DENND4B: variants seen among roughly 807,000 people sequenced by gnomAD.
DENND4B encodes DENN domain-containing protein 4B.
A neutral mutation model predicts 161.0 loss-of-function variants in DENND4B; 67 were observed. The ratio of observed to expected loss-of-function variants is 0.42; its 90% CI spans 0.34 to 0.51. DENND4B has a LOEUF of 0.51. Among genes scored for constraint, DENND4B ranks in the 20% least tolerant of loss-of-function variants. DENND4B has a pLI of 0.08. For missense variants in DENND4B, 1,481 were observed against 1,968.0 expected, an observed-to-expected ratio of 0.75 and a Z score of 4.68; for synonymous variants, 753 against 813.8, an observed-to-expected ratio of 0.93 and a Z score of 1.27.
chr1:153,945,220 G>A lies in DENND4B; in HGVS notation c.-23-823C>T, dbSNP rs1041048367. 1.0e-5 allele frequency: 13 copies of A among 1,270,242 alleles called. No homozygotes were observed. The African/African-American group carries it at 1.8e-4, about 18-fold the overall frequency. The allele number at this position is 1,270,242 out of a possible 1,614,324, so 78.7% of individuals were successfully genotyped here. On this transcript the variant is annotated intron_variant, in intron 1 of 27. Coordinates refer to ENST00000361217, the MANE Select transcript of DENND4B (RefSeq NM_014856.3). Reference sequence around the variant, plus strand: ...TGCAGAAGCTGGGAAAAAGCCTGGTGGGTAGCTCGCAGCAGGGGCCCAGAA... The same window carrying A: ...TGCAGAAGCTGGGAAAAAGCCTGGTAGGTAGCTCGCAGCAGGGGCCCAGAA...
Position 153,936,178 on chromosome 1 carries a change from CG to C in DENND4B, c.2449del (p.Arg817GlyfsTer3). 2 of 1,605,712 alleles carry C rather than the reference CG, an allele frequency of 1.2e-6. No homozygotes were observed. The highest frequency in any genetic ancestry group is 1.7e-6 in the Non-Finnish European group (2 of 1,176,196). ...GTGTGAGCAGAGCTGCATCAGTACC[CG>C]GTAACACACCTGGGCCAGGAGAGGC... The part of the protein sequence containing the change: ...KVVLPDEVCY[R>X]VLMQLCSHYG... On this transcript the variant is annotated frameshift_variant, in exon 17 of 28. Coordinates refer to ENST00000361217, the MANE Select transcript of DENND4B (RefSeq NM_014856.3). LOFTEE classifies it high-confidence loss of function. The surrounding 1 kb of genome is among the most constrained non-coding windows in gnomAD (Gnocchi z 4.1).
chr1:153,937,552 G>T lies in DENND4B; in HGVS notation c.2168C>A (p.Ala723Asp). ...ACGGGAAGGGCCTGGCACAGGCAGG[G>T]CCCCAGGTTGCTCTTGAAGAGACTC... ...LFESLQEQPG[A>D]LPVPGPSRSA... The change falls in exon 15 of 28, where the codon GCC (alanine) becomes GAC (aspartate). Residue 723 changes from alanine (A) to aspartate (D), a missense_variant. Physicochemically the swap from Ala to Asp is moderately radical, Grantham distance 126. Around this residue, in one of 3 missense-constraint regions of DENND4B, gnomAD observed 806 missense variants for 1,134.4 expected, o/e 0.71. Transcript: ENST00000361217. The surrounding 1 kb of genome is among the most constrained non-coding windows in gnomAD (Gnocchi z 4.7). 2 of 1,611,984 alleles carry T rather than the reference G, an allele frequency of 1.2e-6. No individual in the cohort carries two copies. The highest frequency in any genetic ancestry group is 1.1e-5 in the South Asian group (1 of 90,892).
chr1:153,944,739 TTC>T lies in DENND4B; in HGVS notation c.-23-344_-23-343del, dbSNP rs1169285137. On this transcript the variant is annotated intron_variant, in intron 1 of 27. Coordinates refer to ENST00000361217, the MANE Select transcript of DENND4B (RefSeq NM_014856.3). This position sits in a 1 kb window ranked among gnomAD's most constrained non-coding sequence, Gnocchi z 4.8. ...GATCACAATCTTTTTTGTAATAGCC[TTC>T]CATGACATCATTCATGCTGGCCATG... is the stretch of plus-strand genomic sequence containing the variant. Among the ~76,000 whole-genome samples the T allele has an allele frequency of 7.2e-5, 11 of 152,328 alleles. No homozygotes were observed. The highest frequency in any genetic ancestry group is 1.9e-4 in the East Asian group (1 of 5,192).
rs779392694 is a variant in DENND4B at position 153,936,796 on chromosome 1, TCTTA to T, written c.2233-52_2233-49del. ...CAGGGTGAGTACAATGCCAGGTCTT[TCTTA>T]CTTATCTATTTATTTATTTATTTAT... On this transcript the variant is annotated intron_variant, in intron 15 of 27. Coordinates refer to ENST00000361217, the MANE Select transcript of DENND4B (RefSeq NM_014856.3). The surrounding 1 kb of genome is among the most constrained non-coding windows in gnomAD (Gnocchi z 4.1). 7.8e-6 allele frequency: 11 copies of T among 1,417,810 alleles called. No individual in the cohort carries two copies. In the African/African-American group the frequency reaches 1.0e-4, roughly 13 times the overall value. The allele number at this position is 1,417,810 out of a possible 1,614,324, so 87.8% of individuals were successfully genotyped here.
chr1:153,936,735 G>T lies in DENND4B; in HGVS notation c.2246C>A (p.Ala749Glu). The T allele has an allele frequency of 6.3e-7, 1 of 1,591,526 alleles. No individual in the cohort carries two copies. The change falls in exon 16 of 28, where the codon GCA (alanine) becomes GAA (glutamate). Residue 749 changes from alanine to glutamate, a missense_variant. Transcript: ENST00000361217. The surrounding 1 kb of genome is among the most constrained non-coding windows in gnomAD (Gnocchi z 4.1). ...TGCTGACTTCTGTGCCATCCGCTGT[G>T]CAACTTTCATCTCCTAGGTAGGACA... ...PRRTKQEMKVAQRMAQKSAAV... is the reference protein window; with the variant it reads ...PRRTKQEMKVEQRMAQKSAAV...
intron 7 of DENND4B, 37 bp from the exon 8 acceptor site, chr1:153,941,326 T>G (rs756448391): frequency 5.0e-6 from 8 of 1,613,520 alleles, no homozygotes; most frequent in Middle Eastern, 1.6e-4. Context: ...AGGGTAATGA[T>G]GCCAACTCCC....
In DENND4B at chr1:153,939,028, C is replaced by G. The variant is rs769793698; in HGVS notation, c.1837G>C (p.Glu613Gln). ...FFLQGFLKSRERSSHKLYSQL... is the reference protein window; with the variant it reads ...FFLQGFLKSRQRSSHKLYSQL... ...GAGTAAAGTTTGTGGCTGGAGCGTT[C>G]CCGGGATTTGAGGAAGCCTGAGGGG... The change falls in exon 13 of 28, where the codon GAA (glutamate) becomes CAA (glutamine). Residue 613 changes from glutamate to glutamine, a missense_variant. Glu to Gln is a conservative substitution (Grantham distance 29, BLOSUM62 2). Around this residue, in one of 3 missense-constraint regions of DENND4B, gnomAD observed 806 missense variants for 1,134.4 expected, o/e 0.71. Transcript: ENST00000361217. 6.2e-7 allele frequency: 1 copy of G among 1,611,910 alleles called. No homozygotes were observed. The highest frequency in any genetic ancestry group is 8.5e-7 in the Non-Finnish European group (1 of 1,179,140).
rs752850099 is a variant in DENND4B at position 153,930,347 on chromosome 1, G to A, written c.4441C>T (p.Pro1481Ser). Residue 1481 changes from proline (P) to serine (S), a missense_variant, in exon 28 of 28, where the codon CCC becomes TCC. This residue lies in a region of DENND4B where 336 missense variants were observed against 503.3 expected (regional missense o/e 0.67). Coordinates refer to ENST00000361217, the MANE Select transcript of DENND4B (RefSeq NM_014856.3). This position sits in a 1 kb window ranked among gnomAD's most constrained non-coding sequence, Gnocchi z 4.7. Reference protein sequence around the residue: ...LRHRRAQMPTPKAIDCRKCFG... With the variant: ...LRHRRAQMPTSKAIDCRKCFG... The stretch of plus-strand genomic sequence containing the variant: ...CATTTTCGGCAGTCAATGGCCTTGG[G>A]AGTGGGCATCTGCGCCCGCCGGTGC... The A allele has an allele frequency of 3.1e-6, 5 of 1,614,008 alleles. No individual in the cohort carries two copies. The South Asian group carries it at 5.5e-5, about 18-fold the overall frequency.
Position 153,936,401 on chromosome 1 carries a change from A to C in DENND4B, c.2439+141T>G. 8.6e-7 allele frequency: 1 copy of C among 1,156,848 alleles called. No individual in the cohort carries two copies. The highest frequency in any genetic ancestry group is 1.2e-6 in the Non-Finnish European group (1 of 828,536). 71.7% of individuals were successfully genotyped at this position (1,156,848 alleles called of 1,614,324 possible). A position where few individuals can be genotyped will look rare whatever the true frequency, so the allele number is the denominator to read the frequency against. ...CCTGAACATGCTTATTCACTCGACG[A>C]ATGTTTATAGATAATCTGCCCAGCT... On this transcript the variant is annotated intron_variant, in intron 16 of 27. Transcript: ENST00000361217. This position sits in a 1 kb window ranked among gnomAD's most constrained non-coding sequence, Gnocchi z 4.1.
Position 153,932,745 on chromosome 1 carries a change from C to G in DENND4B, c.3656G>C (p.Gly1219Ala). Residue 1219 changes from glycine to alanine, a missense_variant, in exon 23 of 28, where the codon GGC (glycine) becomes GCC (alanine). By Grantham distance (60) the Gly-to-Ala change is moderately conservative. Transcript: ENST00000361217. The surrounding 1 kb of genome is among the most constrained non-coding windows in gnomAD (Gnocchi z 5.8). ...ACCAGGGACAGGAGCATCTTTGCTG[C>G]CACTGGCACCAGCAGATTTGGGGCT... ...VPSPKSAGASGSKDAPVPGGP... is the reference protein window; with the variant it reads ...VPSPKSAGASASKDAPVPGGP... The G allele has an allele frequency of 6.2e-7, 1 of 1,614,068 alleles. No individual in the cohort carries two copies. Among genetic ancestry groups the G allele is most frequent in the Non-Finnish European group, 8.5e-7 (1 of 1,179,902 alleles).
chr1:153,931,120 C>T (rs1678898094), intron 24 of DENND4B, 56 bp from the exon 25 acceptor site: 2 of 1,403,388 alleles, frequency 1.4e-6, no homozygotes, highest in Admixed American at 2.1e-5. Context: ...AGGCAGAGGA[C>T]AAGAAACGGA....
rs762792313 is a variant in DENND4B, at chr1:153,933,037, G to T, written c.3454-7C>A. 2 of 1,612,780 alleles carry T rather than the reference G, an allele frequency of 1.2e-6. No homozygotes were observed. Among genetic ancestry groups the T allele is most frequent in the Middle Eastern group, 1.7e-4 (1 of 6,056 alleles). On this transcript the variant is annotated splice_region_variant and splice_polypyrimidine_tract_variant and intron_variant, in intron 21 of 27. Transcript: ENST00000361217. The surrounding 1 kb of genome is among the most constrained non-coding windows in gnomAD (Gnocchi z 5.7). The stretch of plus-strand genomic sequence containing the variant: ...AGCAGCTGGACAGCAGAATCTGTGG[G>T]CAGGGAGAGTCGGGAAGTAGGTGCT...
rs2102055639 is a variant in DENND4B at position 153,940,298 on chromosome 1, G to C, written c.1503-42C>G. 1 of 1,573,402 alleles carries C rather than the reference G, an allele frequency of 6.4e-7. No homozygotes were observed. Among genetic ancestry groups the C allele is most frequent in the East Asian group, 2.2e-5 (1 of 44,470 alleles). ...AGGGGAAAGAGTGGCGAGGCTCTGG[G>C]ATAGGGTGACGGGGTTCCTTGCCAG... is the stretch of plus-strand genomic sequence containing the variant. On this transcript the variant is annotated intron_variant, in intron 10 of 27. Transcript: ENST00000361217. This position sits in a 1 kb window ranked among gnomAD's most constrained non-coding sequence, Gnocchi z 5.6.
In DENND4B at chr1:153,934,383, C is replaced by G. The variant is rs1679191974; in HGVS notation, c.2774-81G>C. 6.7e-7 allele frequency: 1 copy of G among 1,485,734 alleles called. No homozygotes were observed. Among genetic ancestry groups the G allele is most frequent in the Non-Finnish European group, 9.0e-7 (1 of 1,112,852 alleles). The allele number at this position is 1,485,734 out of a possible 1,614,324, so 92.0% of individuals were successfully genotyped here. A position where few individuals can be genotyped will look rare whatever the true frequency, so the allele number is the denominator to read the frequency against. On this transcript the variant is annotated intron_variant, in intron 18 of 27. Transcript: ENST00000361217. This position sits in a 1 kb window ranked among gnomAD's most constrained non-coding sequence, Gnocchi z 5.3. Reference sequence around the variant, plus strand: ...TCCAAAATAGAGCTCCTTAGATGGACCAGGGTTTGCAGGGTTCCTCCCAGG... The same window carrying G: ...TCCAAAATAGAGCTCCTTAGATGGAGCAGGGTTTGCAGGGTTCCTCCCAGG...
At position 153,936,030 on chromosome 1, in the gene DENND4B, C is replaced by A. The variant is rs574645818; in HGVS notation, c.2568+30G>T. On this transcript the variant is annotated intron_variant, in intron 17 of 27. Coordinates refer to ENST00000361217, the MANE Select transcript of DENND4B (RefSeq NM_014856.3). The surrounding 1 kb of genome is among the most constrained non-coding windows in gnomAD (Gnocchi z 4.1). ...CCCCTCACACACCCTGGCACAGCTG[C>A]CATCCCACCCCTCACCCCAAAGTAG... 59 of 1,611,100 alleles carry A rather than the reference C, an allele frequency of 3.7e-5. No homozygotes were observed. The African/African-American group carries it at 6.5e-4, about 18-fold the overall frequency.
rs778254667 is a variant in DENND4B, at chr1:153,930,655, G to A, written c.4280+37C>T. On this transcript the variant is annotated intron_variant, in intron 26 of 27. Transcript: ENST00000361217. The surrounding 1 kb of genome is among the most constrained non-coding windows in gnomAD (Gnocchi z 4.7). ...TGAGAGAAAAGGGGTGTGGAGCCCC[G>A]GACAGACCAGGGATCACCCAGATGG... The A allele has an allele frequency of 1.6e-4, 254 of 1,613,306 alleles. No individual in the cohort carries two copies. Among genetic ancestry groups the A allele is most frequent in the Non-Finnish European group, 2.0e-4 (240 of 1,179,602 alleles).
chr1:153,944,234 G>A lies in DENND4B; in HGVS notation c.141C>T (p.Ile47=), dbSNP rs777297735. The A allele has an allele frequency of 6.2e-7, 1 of 1,604,848 alleles. No individual in the cohort carries two copies. Among genetic ancestry groups the A allele is most frequent in the Non-Finnish European group, 8.5e-7 (1 of 1,175,200 alleles). ...CCCTAGCGATGACTGCCACATCTGT[G>A]ATGGGCTCAGCTGGCCGGGGAGGGC... The part of the protein sequence containing the change: ...PLRPPRPAEP[I]TDVAVIARAL... Residue 47 remains isoleucine, a synonymous_variant, in exon 2 of 28, where the codon ATC becomes ATT. Coordinates refer to ENST00000361217, the MANE Select transcript of DENND4B (RefSeq NM_014856.3). This position sits in a 1 kb window ranked among gnomAD's most constrained non-coding sequence, Gnocchi z 4.8.
At position 153,934,454 on chromosome 1, in the gene DENND4B, TG is replaced by T. The variant is rs1679198748; in HGVS notation, c.2774-153del. 6.6e-6 allele frequency among the ~76,000 whole-genome samples: 1 copy of T among 152,154 alleles called. No homozygotes were observed. The highest frequency in any genetic ancestry group is 1.5e-5 in the Non-Finnish European group (1 of 68,016). The stretch of plus-strand genomic sequence containing the variant: ...GTTTGTTTGTTTGTTTGTTTTGTTT[TG>T]TTTTTTGAGATGGAGTCTTGCTCTG... On this transcript the variant is annotated intron_variant, in intron 18 of 27. Transcript: ENST00000361217. The surrounding 1 kb of genome is among the most constrained non-coding windows in gnomAD (Gnocchi z 5.3).
rs1679016355 is a variant in DENND4B at position 153,932,502 on chromosome 1, A to T, written c.3760-62T>A. 1.3e-6 allele frequency: 2 copies of T among 1,555,394 alleles called. No homozygotes were observed. Among genetic ancestry groups the T allele is most frequent in the African/African-American group, 1.4e-5 (1 of 73,600 alleles). ...GTACATCCCCAGAGCCTTGCCTCCC[A>T]CTGAGCCACCACATCCAACAGCTTT... On this transcript the variant is annotated intron_variant, in intron 23 of 27. Coordinates refer to ENST00000361217, the MANE Select transcript of DENND4B (RefSeq NM_014856.3). This position sits in a 1 kb window ranked among gnomAD's most constrained non-coding sequence, Gnocchi z 5.8.
Sources: allele counts gnomAD v4.1 joint callset (sites outside exome capture counted in the v4.1 genomes callset), GRCh38; gene constraint gnomAD v4.1.1; regional missense constraint gnomAD v4.1.1; non-coding constraint Gnocchi (gnomAD v3.1); transcripts MANE v1.5; gene names NCBI Gene and HGNC (gene_info 2026-07-23, HGNC 2026-07-21).